Variants in RPH3AL observed in about 807,000 individuals in gnomAD.
The protein encoded by RPH3AL is rabphilin 3A like (without C2 domains), also known as rab effector Noc2.
RPH3AL carries 38 observed loss-of-function variants against 43.1 expected under a neutral mutation model. That is an observed-to-expected ratio of 0.88 (90% CI 0.68 to 1.15). The LOEUF (loss-of-function observed/expected upper bound fraction) is 1.15. Ranked by LOEUF, RPH3AL falls within the 50% of genes most tolerant of loss-of-function variation. RPH3AL has a pLI of 0.00. For missense variants in RPH3AL, 462 were observed against 423.2 expected (o/e 1.09, Z -0.81); for synonymous variants, 189 against 176.3 (o/e 1.07, Z -0.57).
At chr17:233,723 C>T (rs1021063214) in intron 7 of RPH3AL, among the ~76,000 whole-genome samples, 6 of 152,224 alleles carry the variant, frequency 3.9e-5, no homozygotes, top group Non-Finnish European at 8.8e-5. Flanking sequence ...GAAACAAGAA[C>T]GGTTTCACTT....
chr17:272,180 T>G (rs1013157667), intron 6 of RPH3AL, among the ~76,000 whole-genome samples: 15 of 152,192 alleles, frequency 9.9e-5, no homozygotes, highest in African/African-American at 3.4e-4. Context: ...GTTCAACCAT[T>G]GTGGAGGACA....
At chr17:301,444 T>C (rs899283434) in intron 5 of RPH3AL, among the ~76,000 whole-genome samples, 1 of 152,044 alleles carries the variant, frequency 6.6e-6, no homozygotes, top group African/African-American at 2.4e-5. Context: ...GTTGAGATTA[T>C]GGGTGCGCAC....
intron 6 of RPH3AL, among the ~76,000 whole-genome samples, chr17:266,641 G>C (rs2042332331): frequency 6.6e-6 from 1 of 152,234 alleles, no homozygotes; most frequent in Admixed American, 6.5e-5. Context: ...TTCATTCCAA[G>C]TGGGTTTTTG....
At chr17:237,605 A>T (rs572584587) in intron 7 of RPH3AL, among the ~76,000 whole-genome samples, 1 of 152,300 alleles carries the variant, frequency 6.6e-6, no homozygotes, top group African/African-American at 2.4e-5. Flanking sequence ...CGTGAGGAGG[A>T]AATGGGTATT....
At chr17:342,467 A>C (rs114945159) in intron 1 of RPH3AL, among the ~76,000 whole-genome samples, 3 of 152,262 alleles carry the variant, frequency 2.0e-5, no homozygotes, top group African/African-American at 7.2e-5. Context: ...ATGTCCATCA[A>C]CTGGGAAAAG....
intron 5 of RPH3AL, among the ~76,000 whole-genome samples, chr17:314,325 G>A (rs1262615376): frequency 6.6e-6 from 1 of 152,112 alleles, no homozygotes; most frequent in African/African-American, 2.4e-5. Context: ...GACAGGAGGA[G>A]GAAGCACACT....
chr17:312,689 G>C (rs1359800570), intron 5 of RPH3AL, among the ~76,000 whole-genome samples: 2 of 152,198 alleles, frequency 1.3e-5, no homozygotes, highest in Non-Finnish European at 2.9e-5. Flanking sequence ...TCTGCTAAGG[G>C]CTTCTCCTGC....
chr17:333,454 T>A lies in RPH3AL; in HGVS notation c.-37+305A>T. On this transcript the variant is annotated intron_variant, in intron 2 of 9. Coordinates refer to ENST00000331302, the MANE Select transcript of RPH3AL (RefSeq NM_006987.4). The surrounding 1 kb of genome is among the most constrained non-coding windows in gnomAD (Gnocchi z 4.5). The stretch of plus-strand genomic sequence containing the variant: ...TTGGGTTCTTACTGCATACGCTGCT[T>A]GCTGGTTTCTAAATAAAATTGGGTT... 2.2e-6 allele frequency: 1 copy of A among 451,948 alleles called. No homozygotes were observed. Among genetic ancestry groups the A allele is most frequent in the Non-Finnish European group, 3.7e-6 (1 of 268,450 alleles). The allele number at this position is 451,948 out of a possible 1,614,324, so 28.0% of individuals were successfully genotyped here. A position where few individuals can be genotyped will look rare whatever the true frequency, so the allele number is the denominator to read the frequency against.
intron 5 of RPH3AL, among the ~76,000 whole-genome samples, chr17:293,326 G>A (rs939545471): frequency 2.4e-4 from 36 of 152,214 alleles, no homozygotes; most frequent in South Asian, 4.1e-4. Context: ...ATCAGCTGTT[G>A]ACTATTAACA....
At chr17:345,441 C>CG (rs2045217097) in intron 1 of RPH3AL, among the ~76,000 whole-genome samples, 2 of 135,188 alleles carry the variant, frequency 1.5e-5, no homozygotes, top group Admixed American at 1.4e-4. Flanking sequence ...ACAAAACCAC[C>CG]GGGGGGTTCA....
At position 290,711 on chromosome 17, in the gene RPH3AL, T is replaced by A. The variant is rs1315823280; in HGVS notation, c.352-8857A>T. On this transcript the variant is annotated intron_variant, in intron 5 of 9. Transcript: ENST00000331302. This position sits in a 1 kb window ranked among gnomAD's most constrained non-coding sequence, Gnocchi z 4.2. ...ACCGATCCATTTCATGATGAGGAAT[T>A]CCACCACGCTCCCGCAGATCAGAAG... Among the ~76,000 whole-genome samples the A allele has an allele frequency of 6.6e-6, 1 of 152,188 alleles. No homozygotes were observed. Among genetic ancestry groups the A allele is most frequent in the African/African-American group, 2.4e-5 (1 of 41,446 alleles).
At chr17:316,880 C>A (rs1168327102) in intron 5 of RPH3AL, among the ~76,000 whole-genome samples, 1 of 152,090 alleles carries the variant, frequency 6.6e-6, no homozygotes, top group Admixed American at 6.5e-5. Context: ...TGCTCCACCT[C>A]CATTGACCTG....
At position 328,608 on chromosome 17, in the gene RPH3AL, T is replaced by C. The variant is rs2044672671; in HGVS notation, c.-36-1029A>G. Among the ~76,000 whole-genome samples the C allele has an allele frequency of 6.6e-6, 1 of 152,154 alleles. No individual in the cohort carries two copies. Among genetic ancestry groups the C allele is most frequent in the East Asian group, 1.9e-4 (1 of 5,200 alleles). ...CTCACCAAAACCTGTACACAAACGT[T>C]CTTAGCAGCACTATTCATGACCGCC... is the stretch of plus-strand genomic sequence containing the variant. On this transcript the variant is annotated intron_variant, in intron 2 of 9. Coordinates refer to ENST00000331302, the MANE Select transcript of RPH3AL (RefSeq NM_006987.4). This position sits in a 1 kb window ranked among gnomAD's most constrained non-coding sequence, Gnocchi z 4.2.
At chr17:330,321 C>T (rs982189158) in intron 2 of RPH3AL, among the ~76,000 whole-genome samples, 3 of 152,308 alleles carry the variant, frequency 2.0e-5, no homozygotes, top group Admixed American at 6.5e-5. Flanking sequence ...AACAGCCAAG[C>T]GTGGAAATCC....
At chr17:285,134 G>C (rs2042875960) in intron 5 of RPH3AL, among the ~76,000 whole-genome samples, 1 of 152,180 alleles carries the variant, frequency 6.6e-6, no homozygotes, top group Non-Finnish European at 1.5e-5. Flanking sequence ...TTTGTACTCG[G>C]GAGCCCTAGA....
Position 213,848 on chromosome 17 carries a change from C to T in RPH3AL, c.*4G>A, listed in dbSNP as rs1231475844. On this transcript the variant is annotated 3_prime_UTR_variant, in exon 10 of 10. Coordinates refer to ENST00000331302, the MANE Select transcript of RPH3AL (RefSeq NM_006987.4). The stretch of plus-strand genomic sequence containing the variant: ...AGGGAAGTCTGTTCCAGGCACCAGA[C>T]ACCTCAGCCCAGGCAGCTGGAGGGG... The T allele has an allele frequency of 1.9e-6, 3 of 1,612,772 alleles. No homozygotes were observed. The Admixed American group carries it at 5.0e-5, about 27-fold the overall frequency.
chr17:294,888 C>CG (rs1567621998), intron 5 of RPH3AL, among the ~76,000 whole-genome samples: 18 of 25,808 alleles, frequency 7.0e-4, no homozygotes, highest in Admixed American at 1.4e-3. Flanking sequence ...CAGAAATGGA[C>CG]AGCAGAGGGA....
chr17:234,009 G>A (rs77262571), intron 7 of RPH3AL, among the ~76,000 whole-genome samples: 5 of 62,432 alleles, frequency 8.0e-5, no homozygotes, highest in East Asian at 3.8e-4. Flanking sequence ...ACTTCCCCGA[G>A]CAGGGAGCGG....
intron 5 of RPH3AL, among the ~76,000 whole-genome samples, chr17:316,642 G>C (rs2044219517): frequency 9.1e-5 from 12 of 132,500 alleles, no homozygotes; most frequent in Admixed American, 2.4e-4. Context: ...CACCTCCATT[G>C]ACCTGCAGTG....
Sources: gnomAD v4.1 joint callset for allele counts (sites outside exome capture counted in the v4.1 genomes callset) on GRCh38, gnomAD v4.1.1 for gene constraint, Gnocchi (gnomAD v3.1) non-coding constraint, MANE v1.5 for transcripts, NCBI Gene and HGNC (gene_info 2026-07-23, HGNC 2026-07-21) for gene names.